Variants in HELZ observed in about 807,000 individuals in gnomAD.
HELZ encodes the protein ATP-dependent RNA helicase with zinc finger domain.
HELZ carries 23 observed loss-of-function variants against 218.2 expected under a neutral mutation model. The ratio of observed to expected loss-of-function variants is 0.11; its 90% CI spans 0.08 to 0.15. The LOEUF (loss-of-function observed/expected upper bound fraction) is 0.15. HELZ is among the 10% of genes least tolerant of loss of function. The pLI, the probability that HELZ is intolerant of heterozygous loss-of-function variation, is 1.00. For synonymous variants in HELZ, 814 were observed against 829.4 expected, an observed-to-expected ratio of 0.98 and a Z score of 0.32; for missense variants, 1,813 against 2,353.7, an observed-to-expected ratio of 0.77 and a Z score of 4.75.
In HELZ at chr17:67,109,166, T is replaced by C. The variant is rs369453596; in HGVS notation, c.4439A>G (p.Asn1480Ser). The change falls in exon 29 of 33, where the codon AAT becomes AGT. Residue 1480 changes from asparagine to serine, a missense_variant. Around this residue, in one of 4 missense-constraint regions of HELZ, gnomAD observed 938 missense variants for 1,027.5 expected, o/e 0.91. Coordinates refer to ENST00000358691, the MANE Select transcript of HELZ (RefSeq NM_014877.4). ...CGAGGGGTTCTCATCAATGAAGCTA[T>C]TCAGATGTGAAGGAAGAATGGGGCC... ...QPGPILPSHL[N>S]SFIDENPSGL... The C allele has an allele frequency of 3.2e-5, 51 of 1,613,850 alleles. No individual in the cohort carries two copies. The highest frequency in any genetic ancestry group is 3.8e-5 in the Non-Finnish European group (45 of 1,180,026).
intron 12 of HELZ, among the ~76,000 whole-genome samples, chr17:67,185,941 T>C (rs756996477): frequency 4.6e-5 from 7 of 152,190 alleles, no homozygotes; most frequent in African/African-American, 9.6e-5. Context: ...ATTTTCAAAC[T>C]AATATGTTAG....
chr17:67,180,201 G>A (rs1043188351), intron 12 of HELZ, among the ~76,000 whole-genome samples: 16 of 151,960 alleles, frequency 1.1e-4, no homozygotes, highest in African/African-American at 3.9e-4. Flanking sequence ...CTCTGGATTG[G>A]GGCTGCGCAC....
intron 31 of HELZ, among the ~76,000 whole-genome samples, chr17:67,091,949 A>G (rs1327880978): frequency 6.6e-6 from 1 of 152,218 alleles, no homozygotes; most frequent in Non-Finnish European, 1.5e-5. Context: ...GGATCAGTAC[A>G]GTTCCCTAGA....
intron 31 of HELZ, among the ~76,000 whole-genome samples, chr17:67,105,258 T>C (rs1041056383): frequency 6.6e-6 from 1 of 152,208 alleles, no homozygotes; most frequent in African/African-American, 2.4e-5. Flanking sequence ...GGAATATAAA[T>C]GTGCAGAGAA....
chr17:67,076,564 C>T lies in HELZ; in HGVS notation c.*1688G>A, dbSNP rs2036023965. The T allele has an allele frequency of 6.6e-6, 1 of 152,298 alleles. No homozygotes were observed. Among genetic ancestry groups the T allele is most frequent in the Non-Finnish European group, 1.5e-5 (1 of 68,056 alleles). 9.4% of individuals were successfully genotyped at this position (152,298 alleles called of 1,614,324 possible). ...CTTAGCAGAAAGGTAGAGCTGAATA[C>T]AAGAGGCACGCAGCGCTTATCCTGG... is the stretch of plus-strand genomic sequence containing the variant. On this transcript the variant is annotated 3_prime_UTR_variant, in exon 33 of 33. Coordinates refer to ENST00000358691, the MANE Select transcript of HELZ (RefSeq NM_014877.4).
At chr17:67,223,418 C>T (rs1264119521) in intron 3 of HELZ, among the ~76,000 whole-genome samples, 1 of 152,044 alleles carries the variant, frequency 6.6e-6, no homozygotes, top group East Asian at 1.9e-4. Flanking sequence ...TGCTGAGGTC[C>T]GCCCCATCTG....
At chr17:67,143,056 C>T (rs78363547) in intron 21 of HELZ, among the ~76,000 whole-genome samples, 31,967 of 151,956 alleles carry the variant, frequency 0.21, 4,392 homozygotes, top group Non-Finnish European at 0.31. Flanking sequence ...TCACCGCACC[C>T]GGCCAAGGAG....
At chr17:67,102,242 T>C (rs1003228308) in intron 31 of HELZ, among the ~76,000 whole-genome samples, 5 of 152,240 alleles carry the variant, frequency 3.3e-5, no homozygotes, top group Middle Eastern at 3.4e-3. Flanking sequence ...CAGAGAGAAA[T>C]TGTTTCAAGT....
Position 67,109,194 on chromosome 17 carries a change from G to A in HELZ, c.4411C>T (p.Pro1471Ser), listed in dbSNP as rs762261394. The change falls in exon 29 of 33, where the codon CCC becomes TCC. Residue 1471 changes from proline to serine, a missense_variant. Pro to Ser is a moderately conservative substitution (Grantham distance 74). This residue lies in a region of HELZ where 938 missense variants were observed against 1,027.5 expected (regional missense o/e 0.91). Coordinates refer to ENST00000358691, the MANE Select transcript of HELZ (RefSeq NM_014877.4). ...AGATGTGAAGGAAGAATGGGGCCGGGTTGTGCAATGGCTCTCAGAGGACTG... is the reference window on the plus strand; with the variant it reads ...AGATGTGAAGGAAGAATGGGGCCGGATTGTGCAATGGCTCTCAGAGGACTG... ...GHSPLRAIAQ[P>S]GPILPSHLNS... 3.1e-6 allele frequency: 5 copies of A among 1,614,134 alleles called. No individual in the cohort carries two copies. Among genetic ancestry groups the A allele is most frequent in the Non-Finnish European group, 3.4e-6 (4 of 1,180,038 alleles).
In HELZ at chr17:67,108,635, C is replaced by T; in HGVS notation, c.4581G>A (p.Gln1527=). 1 of 1,614,074 alleles carries T rather than the reference C, an allele frequency of 6.2e-7. No homozygotes were observed. The highest frequency in any genetic ancestry group is 8.5e-7 in the Non-Finnish European group (1 of 1,179,982). The change falls in exon 30 of 33, where the codon CAG becomes CAA. Residue 1527 remains glutamine, a synonymous_variant. Coordinates refer to ENST00000358691, the MANE Select transcript of HELZ (RefSeq NM_014877.4). The surrounding 1 kb of genome is among the most constrained non-coding windows in gnomAD (Gnocchi z 4.1). ...GATGGTGTGGGTATGGAGCGCTGCC[C>T]TGACTGAGAAAGGCATGATGCTCGC... is the stretch of plus-strand genomic sequence containing the variant. ...QWSEHHAFLS[Q]GSAPYPHHHH...
intron 7 of HELZ, among the ~76,000 whole-genome samples, chr17:67,196,661 G>A (rs2040040498): frequency 6.9e-6 from 1 of 145,434 alleles, no homozygotes; most frequent in Non-Finnish European, 1.5e-5. Context: ...TGGGTAGGTG[G>A]TTGGGTGGGT....
chr17:67,190,966 C>G (rs759014580), intron 9 of HELZ, among the ~76,000 whole-genome samples: 3 of 151,158 alleles, frequency 2.0e-5, no homozygotes, highest in Non-Finnish European at 4.4e-5. Flanking sequence ...CCTCGGCCTC[C>G]CAAAGTGCTG....
chr17:67,163,556 G>A (rs1299646346), intron 15 of HELZ, among the ~76,000 whole-genome samples: 12 of 150,874 alleles, frequency 8.0e-5, no homozygotes, highest in Non-Finnish European at 1.2e-4. Context: ...CCACCACCAC[G>A]CTCGGCTAAT....
At chr17:67,170,698 G>C (rs1277933338) in intron 13 of HELZ, among the ~76,000 whole-genome samples, 1 of 151,690 alleles carries the variant, frequency 6.6e-6, no homozygotes, top group Non-Finnish European at 1.5e-5. Context: ...GTGATGGCCC[G>C]GCCTGTAGTC....
chr17:67,154,874 G>A (rs1310908281), intron 17 of HELZ, among the ~76,000 whole-genome samples: 1 of 151,966 alleles, frequency 6.6e-6, no homozygotes, highest in Non-Finnish European at 1.5e-5. Flanking sequence ...AAACATCTCT[G>A]GATGCATCAA....
intron 17 of HELZ, among the ~76,000 whole-genome samples, chr17:67,157,302 GA>G (rs1347965933): frequency 3.3e-5 from 5 of 152,034 alleles, no homozygotes; most frequent in East Asian, 3.9e-4. Context: ...AAAGAGGGGG[GA>G]AAAAAAGAAA....
intron 31 of HELZ, among the ~76,000 whole-genome samples, chr17:67,091,122 C>T (rs1339439809): frequency 6.6e-6 from 1 of 152,038 alleles, no homozygotes; most frequent in Admixed American, 6.6e-5. Context: ...TCCATTTTCA[C>T]TCAATGTAAA....
At chr17:67,147,669 A>AG (rs34670020) in intron 20 of HELZ, among the ~76,000 whole-genome samples, 21,396 of 148,392 alleles carry the variant, frequency 0.14, 2,030 homozygotes, top group Non-Finnish European at 0.21. Flanking sequence ...TTTGGTAGGA[A>AG]GGGGGGGTCT....
intron 8 of HELZ, 46 bp downstream of exon 8, chr17:67,195,373 G>A (rs764603644): frequency 8.8e-7 from 1 of 1,132,290 alleles, no homozygotes; most frequent in Admixed American, 1.8e-5. Flanking sequence ...TAAAAGCAAA[G>A]CCCTTATTCA....
Sources: gnomAD v4.1 joint callset for allele counts (sites outside exome capture counted in the v4.1 genomes callset) on GRCh38, gnomAD v4.1.1 for gene constraint, gnomAD v4.1.1 regional missense constraint, Gnocchi (gnomAD v3.1) non-coding constraint, MANE v1.5 for transcripts, NCBI Gene and HGNC (gene_info 2026-07-23, HGNC 2026-07-21) for gene names.